The following PRKG1 variants were observed in gnomAD, a reference collection of about 807,000 sequenced individuals.
PRKG1 encodes protein kinase cGMP-dependent 1.
PRKG1 carries 35 observed loss-of-function variants against 88.1 expected under a neutral mutation model. That is an observed-to-expected ratio of 0.40 (90% confidence interval 0.30 to 0.53). PRKG1 has a LOEUF of 0.53. PRKG1 is among the 20% of genes least tolerant of loss of function. The pLI is 0.59. For synonymous variants in PRKG1, 303 were observed against 292.5 expected, an observed-to-expected ratio of 1.04 and a Z score of -0.37; for missense variants, 540 against 839.8, an observed-to-expected ratio of 0.64 and a Z score of 4.41.
intron 1 of PRKG1, among the ~76,000 whole-genome samples, chr10:51,105,417 G>A (rs1844808911): frequency 6.6e-6 from 1 of 152,132 alleles, no homozygotes; most frequent in Non-Finnish European, 1.5e-5. Context: ...TGATGAAGGA[G>A]GGAGATAAAA....
At chr10:51,003,006 T>C (rs2132716593) in intron 1 of PRKG1, among the ~76,000 whole-genome samples, 1 of 152,304 alleles carries the variant, frequency 6.6e-6, no homozygotes, top group South Asian at 2.1e-4. Flanking sequence ...TTCTGTGATA[T>C]ATTTATTTGA....
intron 2 of PRKG1, among the ~76,000 whole-genome samples, chr10:51,356,053 T>A (rs1035824371): frequency 1.3e-5 from 2 of 152,000 alleles, no homozygotes; most frequent in African/African-American, 4.8e-5. Context: ...ACAATAACAT[T>A]TTTCCTCCCA....
At position 51,737,740 on chromosome 10, in the gene PRKG1, AATT is replaced by A. The variant is rs200144590; in HGVS notation, c.593-66811_593-66809del. Among the ~76,000 whole-genome samples the A allele has an allele frequency of 9.5e-3, 1,263 of 133,258 alleles. 12 individuals carry two copies. Among genetic ancestry groups the A allele is most frequent in the East Asian group, 0.031 (141 of 4,512 alleles). 87.4% of individuals were successfully genotyped at this position (133,258 alleles called of 152,430 possible). On this transcript the variant is annotated intron_variant, in intron 3 of 17. Transcript: ENST00000373980. Reference sequence around the variant, plus strand: ...TTATTTATTTATTTATTTATTTATTAATTATTATTATTATTATTATTATTATTA... The same window carrying A: ...TTATTTATTTATTTATTTATTTATTAATTATTATTATTATTATTATTATTA...
chr10:52,188,279 CATATATATGTGTAT>C (rs750410528), intron 9 of PRKG1, among the ~76,000 whole-genome samples: 54,882 of 106,918 alleles, frequency 0.51, 12,765 homozygotes, highest in East Asian at 0.59. Context: ...TATATATATA[CATATATATGTGTAT>C]ATATATATGT....
At chr10:51,694,376 T>C (rs1301309507) in intron 3 of PRKG1, among the ~76,000 whole-genome samples, 4 of 152,230 alleles carry the variant, frequency 2.6e-5, no homozygotes, top group African/African-American at 9.6e-5. Context: ...TTCTTAAATG[T>C]TTTTCTACCA....
In PRKG1 at chr10:51,906,209, G is replaced by A. The variant is rs565512793; in HGVS notation, c.699-1298G>A. On this transcript the variant is annotated intron_variant, in intron 4 of 17. Coordinates refer to ENST00000373980, the MANE Select transcript of PRKG1 (RefSeq NM_006258.4). ...CTGGAAAGGGAAATAGAGCTTGAAG[G>A]AACCTGGTGACAGCAGACTAACAGA... 1.7e-4 allele frequency among the ~76,000 whole-genome samples: 26 copies of A among 152,276 alleles called. No individual in the cohort carries two copies. In the South Asian group the frequency reaches 5.2e-3, roughly 30 times the overall value.
At chr10:52,201,376 T>G (rs1265368279) in intron 9 of PRKG1, among the ~76,000 whole-genome samples, 1 of 152,180 alleles carries the variant, frequency 6.6e-6, no homozygotes, top group Non-Finnish European at 1.5e-5. Flanking sequence ...GTGTGCAGCT[T>G]TATTTCTGGG....
At chr10:51,430,109 T>C (rs1434562700) in intron 2 of PRKG1, among the ~76,000 whole-genome samples, 1 of 139,122 alleles carries the variant, frequency 7.2e-6, no homozygotes, top group Non-Finnish European at 1.5e-5. Context: ...GCCATGAGAA[T>C]GGCTACAATT....
intron 1 of PRKG1, among the ~76,000 whole-genome samples, chr10:51,113,233 A>G (rs947551918): frequency 6.6e-6 from 1 of 152,214 alleles, no homozygotes; most frequent in Non-Finnish European, 1.5e-5. Flanking sequence ...TAAGTGACTA[A>G]CTGAAAGATG....
At chr10:51,603,674 A>G (rs1838676425) in intron 3 of PRKG1, among the ~76,000 whole-genome samples, 1 of 152,220 alleles carries the variant, frequency 6.6e-6, no homozygotes, top group African/African-American at 2.4e-5. Context: ...TTGGGGTACA[A>G]CCATGAACAA....
rs1842375404 is a variant in PRKG1, at chr10:52,296,064, C to A, written c.*2164C>A. ...ATTGGCTTTTTAAAAATATGTAATT[C>A]CAATATTATAGTGAATGTTCAGTAA... On this transcript the variant is annotated 3_prime_UTR_variant, in exon 18 of 18. Coordinates refer to ENST00000373980, the MANE Select transcript of PRKG1 (RefSeq NM_006258.4). The A allele has an allele frequency of 2.0e-5, 3 of 151,774 alleles. No individual in the cohort carries two copies. The South Asian group carries it at 6.2e-4, about 31-fold the overall frequency. 9.4% of individuals were successfully genotyped at this position (151,774 alleles called of 1,614,324 possible). A position where few individuals can be genotyped will look rare whatever the true frequency, so the allele number is the denominator to read the frequency against.
intron 2 of PRKG1, among the ~76,000 whole-genome samples, chr10:51,405,132 G>T (rs1202092466): frequency 6.6e-6 from 1 of 152,168 alleles, no homozygotes; most frequent in East Asian, 1.9e-4. Flanking sequence ...GTTGGATAAT[G>T]TTTATTTTTG....
Position 52,179,967 on chromosome 10 carries a change from G to A in PRKG1, c.1076+18004G>A, listed in dbSNP as rs141015670. Among the ~76,000 whole-genome samples, 1,172 of 152,308 alleles carry A rather than the reference G, an allele frequency of 7.7e-3. 18 individuals carry two copies. Among genetic ancestry groups the A allele is most frequent in the African/African-American group, 0.027 (1,106 of 41,568 alleles). ...ATCCCAAAGTGCTGGGATTACAGGC[G>A]TGAGCCACCGTGCCCAGCCTAAATA... is the stretch of plus-strand genomic sequence containing the variant. On this transcript the variant is annotated intron_variant, in intron 9 of 17. Coordinates refer to ENST00000373980, the MANE Select transcript of PRKG1 (RefSeq NM_006258.4).
chr10:51,915,424 AACATGCTCTG>A (rs1337509283), intron 5 of PRKG1, among the ~76,000 whole-genome samples: 2 of 152,230 alleles, frequency 1.3e-5, no homozygotes, highest in African/African-American at 4.8e-5. Context: ...GCTTTGGCCT[AACATGCTCTG>A]AGTTTGGAAA....
At chr10:51,698,476 G>T in intron 3 of PRKG1, 1 of 1,614,106 alleles carries the variant, frequency 6.2e-7, no homozygotes, top group South Asian at 1.1e-5. Context: ...GACCCTGATG[G>T]GGTGGACCCA....
intron 1 of PRKG1, among the ~76,000 whole-genome samples, chr10:51,055,608 G>T (rs1843617408): frequency 6.6e-6 from 1 of 151,766 alleles, no homozygotes; most frequent in Admixed American, 6.6e-5. Context: ...GAGTGGTGGT[G>T]GTCGCCTATA....
In PRKG1 at chr10:51,074,874, C is replaced by A; in HGVS notation, c.284C>A (p.Thr95Asn). The A allele has an allele frequency of 6.2e-7, 1 of 1,612,284 alleles. No homozygotes were observed. The highest frequency in any genetic ancestry group is 8.5e-7 in the Non-Finnish European group (1 of 1,178,868). Residue 95 changes from threonine to asparagine, a missense_variant, in exon 1 of 18, where the codon ACC becomes AAC. By Grantham distance (65) the Thr-to-Asn change is moderately conservative. This residue lies in a region of PRKG1 where 400 missense variants were observed against 562.7 expected (regional missense o/e 0.71). Transcript: ENST00000373980. ...GACATCCAGGATCTCAGCCATGTGA[C>A]CCTGCCCTTCTACCCCAAGAGCCCA... Reference protein sequence around the residue: ...AFDIQDLSHVTLPFYPKSPQS... With the variant: ...AFDIQDLSHVNLPFYPKSPQS...
chr10:51,454,361 T>C (rs1364470247), intron 2 of PRKG1, among the ~76,000 whole-genome samples: 1 of 150,932 alleles, frequency 6.6e-6, no homozygotes, highest in Non-Finnish European at 1.5e-5. Flanking sequence ...AAGGCTACAG[T>C]TACCAAAATA....
chr10:52,113,078 A>G (rs1310424149), intron 7 of PRKG1, among the ~76,000 whole-genome samples: 2 of 152,184 alleles, frequency 1.3e-5, no homozygotes, highest in Non-Finnish European at 2.9e-5. Flanking sequence ...AAAGCATAAT[A>G]GTAACTAAAT....
Sources: gnomAD v4.1 joint callset for allele counts (sites outside exome capture counted in the v4.1 genomes callset) on GRCh38, gnomAD v4.1.1 for gene constraint, gnomAD v4.1.1 regional missense constraint, MANE v1.5 for transcripts, NCBI Gene and HGNC (gene_info 2026-07-23, HGNC 2026-07-21) for gene names.